Variants in SLC8A1 observed in about 807,000 individuals in gnomAD.
SLC8A1 encodes sodium/calcium exchanger 1.
A neutral mutation model predicts 68.3 loss-of-function variants in SLC8A1; 18 were observed. The observed-to-expected ratio is 0.26, with a 90% confidence interval of 0.18 to 0.39. SLC8A1 has a LOEUF of 0.39. SLC8A1 is among the 10% of genes least tolerant of loss of function. The pLI is 1.00. For missense variants in SLC8A1, 985 were observed against 1,156.7 expected, an observed-to-expected ratio of 0.85 and a Z score of 2.15; for synonymous variants, 475 against 415.5, an observed-to-expected ratio of 1.14 and a Z score of -1.74.
intron 2 of SLC8A1, among the ~76,000 whole-genome samples, chr2:40,217,762 CACA>C (rs1352899673): frequency 6.6e-6 from 1 of 152,124 alleles, no homozygotes; most frequent in Non-Finnish European, 1.5e-5. Context: ...AGATTGTAAT[CACA>C]ACATTGACAC....
intron 7 of SLC8A1, among the ~76,000 whole-genome samples, chr2:40,120,427 C>A (rs538055677): frequency 6.6e-6 from 1 of 152,188 alleles, no homozygotes; most frequent in African/African-American, 2.4e-5. Flanking sequence ...AAGAGACTCT[C>A]GGCTCTTCCA....
intron 6 of SLC8A1, among the ~76,000 whole-genome samples, chr2:40,152,440 C>T (rs527766294): frequency 6.6e-6 from 1 of 152,102 alleles, no homozygotes; most frequent in South Asian, 2.1e-4. Context: ...AGTCTTGCTC[C>T]GTTGCCCAGG....
At chr2:40,454,480 C>CT (rs543088073), upstream of SLC8A1, among the ~76,000 whole-genome samples, 3,741 of 119,424 alleles carry the variant, frequency 0.031, 95 homozygotes, top group African/African-American at 0.053. Flanking sequence ...TGTCTTAAGA[C>CT]TTTTTTTTTT....
chr2:40,170,201 A>G, intron 4 of SLC8A1, 80 bp downstream of exon 7: 1 of 1,271,598 alleles, frequency 7.9e-7, no homozygotes, highest in Non-Finnish European at 1.1e-6. Flanking sequence ...GAGAGGGGCT[A>G]AAATGCATGA....
intron 2 of SLC8A1, among the ~76,000 whole-genome samples, chr2:40,310,490 A>G (rs2073470527): frequency 6.6e-6 from 1 of 152,250 alleles, no homozygotes; most frequent in Admixed American, 6.5e-5. Flanking sequence ...AGAAGAGGTC[A>G]GTGGCCAGGG....
intron 2 of SLC8A1, among the ~76,000 whole-genome samples, chr2:40,236,169 CTTG>C (rs1251609927): frequency 1.3e-5 from 2 of 151,768 alleles, no homozygotes. Context: ...GACTTTCTGT[CTTG>C]TTGATCTGTC....
At chr2:40,116,004 C>T (rs184361091) in intron 7 of SLC8A1, among the ~76,000 whole-genome samples, 4 of 152,138 alleles carry the variant, frequency 2.6e-5, no homozygotes, top group African/African-American at 9.7e-5. Context: ...AGGTGCCATG[C>T]GGCTGTGCTG....
At chr2:40,252,967 A>G (rs1173032328) in intron 2 of SLC8A1, among the ~76,000 whole-genome samples, 4 of 145,370 alleles carry the variant, frequency 2.8e-5, no homozygotes, top group African/African-American at 1.0e-4. Flanking sequence ...GTGTATATGT[A>G]TGTACATATA....
At chr2:40,481,210 G>A (rs541627510) in intron 1 of SLC8A1, among the ~76,000 whole-genome samples, 163 of 152,298 alleles carry the variant, frequency 1.1e-3, no homozygotes, top group African/African-American at 3.9e-3. Context: ...ACCATAGGGA[G>A]GAATGGATAT....
At chr2:40,391,072 C>T (rs570360782) in intron 2 of SLC8A1, among the ~76,000 whole-genome samples, 81 of 151,720 alleles carry the variant, frequency 5.3e-4, no homozygotes, top group Admixed American at 8.5e-4. Flanking sequence ...TTTTTTCTAA[C>T]TTGAAAAATA....
exon 2 of SLC8A1, chr2:40,429,058 T>C (rs1302538190): frequency 6.2e-7 from 1 of 1,611,828 alleles, no homozygotes; most frequent in Non-Finnish European, 8.5e-7. Flanking sequence ...AAAGAAGATC[T>C]TACTAACAGG....
intron 2 of SLC8A1, 30 bp from the exon 3 acceptor site, chr2:40,178,523 A>AG (rs773291196): frequency 9.0e-6 from 14 of 1,559,064 alleles, no homozygotes; most frequent in Non-Finnish European, 1.1e-5. Context: ...TTGACGAACA[A>AG]GGGGAAGAGG....
intron 2 of SLC8A1, among the ~76,000 whole-genome samples, chr2:40,298,360 A>G (rs1379100917): frequency 6.6e-6 from 1 of 152,116 alleles, no homozygotes; most frequent in African/African-American, 2.4e-5. Context: ...CTTTCCCTAA[A>G]TGGATTTGGT....
At chr2:40,337,388 C>A in intron 2 of SLC8A1, 1 of 302,296 alleles carries the variant, frequency 3.3e-6, no homozygotes, top group South Asian at 2.7e-5. Context: ...ATTTTCTCAC[C>A]CGAGGACCCT....
At chr2:40,231,479 C>G (rs1328938167) in intron 2 of SLC8A1, among the ~76,000 whole-genome samples, 1 of 151,934 alleles carries the variant, frequency 6.6e-6, no homozygotes, top group African/African-American at 2.4e-5. Flanking sequence ...TATATCTAGT[C>G]CCCCACTTTT....
chr2:40,113,541 A>G (rs1359343544), exon 8 of SLC8A1: 1 of 152,788 alleles, frequency 6.5e-6, no homozygotes, highest in East Asian at 1.9e-4. Flanking sequence ...CAACACTTTT[A>G]AAGGCCCGTT....
chr2:40,424,361 C>A (rs957101906), intron 2 of SLC8A1, among the ~76,000 whole-genome samples: 1 of 151,762 alleles, frequency 6.6e-6, no homozygotes, highest in African/African-American at 2.4e-5. Context: ...CTATAGAATT[C>A]TCTAGAACAA....
intron 2 of SLC8A1, among the ~76,000 whole-genome samples, chr2:40,230,011 C>T (rs2059456456): frequency 6.6e-6 from 1 of 152,078 alleles, no homozygotes; most frequent in Non-Finnish European, 1.5e-5. Context: ...TCTTATTATT[C>T]AAATTTGAAA....
chr2:40,316,364 A>C (rs1315937868), intron 2 of SLC8A1, among the ~76,000 whole-genome samples: 1 of 152,068 alleles, frequency 6.6e-6, no homozygotes, highest in East Asian at 1.9e-4. Flanking sequence ...TGTTCTCTCT[A>C]CTGGAAAAGA....
Sources: allele counts gnomAD v4.1 joint callset (sites outside exome capture counted in the v4.1 genomes callset), GRCh38; gene constraint gnomAD v4.1.1; transcripts MANE v1.5; gene names NCBI Gene and HGNC (gene_info 2026-07-23, HGNC 2026-07-21).